The following TIMMDC1 variants were observed in gnomAD, a reference collection of about 807,000 sequenced individuals.
The protein encoded by TIMMDC1 is translocase of inner mitochondrial membrane domain containing 1, also known as complex I assembly factor TIMMDC1, mitochondrial.
TIMMDC1 carries 25 observed loss-of-function variants against 32.6 expected under a neutral mutation model. That is an observed-to-expected ratio of 0.77 (90% CI 0.56 to 1.07). The LOEUF (loss-of-function observed/expected upper bound fraction) is 1.07. Among genes scored for constraint, TIMMDC1 ranks in the 50% least tolerant of loss-of-function variants. The probability of loss-of-function intolerance (pLI) is 0.00; values close to 1 mark genes in which losing one functional copy is unlikely to be tolerated. For synonymous variants in TIMMDC1, 130 were observed against 127.6 expected, an observed-to-expected ratio of 1.02 and a Z score of -0.13; for missense variants, 329 against 349.2, an observed-to-expected ratio of 0.94 and a Z score of 0.46.
At chr3:119,520,734 A>G (rs759182385) in intron 6 of TIMMDC1, among the ~76,000 whole-genome samples, 1 of 152,200 alleles carries the variant, frequency 6.6e-6, no homozygotes, top group African/African-American at 2.4e-5. Context: ...CTCATTCTAC[A>G]AGGCTAGCAT....
At chr3:119,503,468 C>A in intron 2 of TIMMDC1, 64 bp from the exon 3 acceptor site, 1 of 1,278,200 alleles carries the variant, frequency 7.8e-7, no homozygotes, top group Non-Finnish European at 1.1e-6. Flanking sequence ...TCCTCTACCG[C>A]AGTTCTAGAA....
intron 4 of TIMMDC1, among the ~76,000 whole-genome samples, chr3:119,505,806 G>T (rs9850447): frequency 0.89 from 135,888 of 152,324 alleles, 60,831 homozygotes; most frequent in African/African-American, 0.96. Flanking sequence ...GAATTTATCC[G>T]AAATTAAGTC....
intron 4 of TIMMDC1, among the ~76,000 whole-genome samples, chr3:119,504,721 A>G (rs1424006214): frequency 6.6e-6 from 1 of 152,224 alleles, no homozygotes; most frequent in Non-Finnish European, 1.5e-5. Context: ...AATAAGTTCA[A>G]GAGATCTATT....
chr3:119,513,209 T>C (rs2081965592), intron 4 of TIMMDC1, among the ~76,000 whole-genome samples: 1 of 152,170 alleles, frequency 6.6e-6, no homozygotes, highest in East Asian at 1.9e-4. Context: ...TGCTGCTTGC[T>C]TGTCACCCTG....
At chr3:119,506,353 C>T (rs755180982) in intron 4 of TIMMDC1, among the ~76,000 whole-genome samples, 1 of 151,904 alleles carries the variant, frequency 6.6e-6, no homozygotes, top group Admixed American at 6.6e-5. Context: ...ATGGCAAGAC[C>T]GTGTGTGTGC....
intron 2 of TIMMDC1, among the ~76,000 whole-genome samples, chr3:119,503,328 T>G (rs140518430): frequency 2.6e-5 from 4 of 152,336 alleles, no homozygotes; most frequent in African/African-American, 9.6e-5. Context: ...CAACCATTTT[T>G]TCATCTCCTG....
chr3:119,523,800 G>A lies in TIMMDC1; in HGVS notation c.*44G>A. ...ACTCACTGGAGAGCTGAAGGGAGCT[G>A]CCATGTCCGATGAATGCCAACAGAC... On this transcript the variant is annotated 3_prime_UTR_variant, in exon 7 of 7. Transcript: ENST00000494664. The A allele has an allele frequency of 6.7e-7, 1 of 1,499,378 alleles. No individual in the cohort carries two copies. The highest frequency in any genetic ancestry group is 1.4e-5 in the South Asian group (1 of 72,576). 92.9% of individuals were successfully genotyped at this position (1,499,378 alleles called of 1,614,324 possible).
chr3:119,509,759 C>T (rs1269717098), intron 4 of TIMMDC1, among the ~76,000 whole-genome samples: 5 of 149,882 alleles, frequency 3.3e-5, no homozygotes, highest in African/African-American at 4.9e-5. Flanking sequence ...GATCTCGGCT[C>T]GCTGCAACCT....
Position 119,498,883 on chromosome 3 carries a change from C to A in TIMMDC1, c.150C>A (p.Tyr50Ter). The A allele has an allele frequency of 6.2e-7, 1 of 1,614,028 alleles. No homozygotes were observed. The highest frequency in any genetic ancestry group is 8.5e-7 in the Non-Finnish European group (1 of 1,179,986). Reference sequence around the variant, plus strand: ...TTCCCTACGTCCCAGAGCCCTATTACCCGGAATCTGGATGGGACCGCCTCC... The same window carrying A: ...TTCCCTACGTCCCAGAGCCCTATTAACCGGAATCTGGATGGGACCGCCTCC... ...KRLPYVPEPY[Y>*]PESGWDRLRE... The change falls in exon 1 of 7, where the codon TAC becomes TAA. Residue 50 changes from tyrosine to a stop codon, truncating the protein, a stop_gained. Coordinates refer to ENST00000494664, the MANE Select transcript of TIMMDC1 (RefSeq NM_016589.4). LOFTEE classifies it high-confidence loss of function.
intron 1 of TIMMDC1, among the ~76,000 whole-genome samples, chr3:119,499,389 C>T (rs1218931898): frequency 6.7e-6 from 1 of 149,860 alleles, no homozygotes; most frequent in Non-Finnish European, 1.5e-5. Flanking sequence ...CGTGAGCCAC[C>T]GCGCCAGCCC....
At chr3:119,502,512 G>A (rs1049798462) in intron 2 of TIMMDC1, among the ~76,000 whole-genome samples, 1 of 151,678 alleles carries the variant, frequency 6.6e-6, no homozygotes, top group Non-Finnish European at 1.5e-5. Flanking sequence ...GATTATAGGT[G>A]TGAGCCACTG....
chr3:119,523,066 T>C (rs2082039987), intron 6 of TIMMDC1, among the ~76,000 whole-genome samples: 2 of 152,218 alleles, frequency 1.3e-5, no homozygotes, highest in African/African-American at 4.8e-5. Flanking sequence ...ACACTAATAC[T>C]TGATTTAGAA....
At chr3:119,500,175 T>A (rs180832398) in intron 1 of TIMMDC1, among the ~76,000 whole-genome samples, 243 of 152,342 alleles carry the variant, frequency 1.6e-3, no homozygotes, top group African/African-American at 5.6e-3. Flanking sequence ...CTTTCATACA[T>A]TGCCCTAAAA....
chr3:119,498,660 C>T lies in TIMMDC1; in HGVS notation c.-74C>T. The T allele has an allele frequency of 2.7e-6, 4 of 1,464,656 alleles. No individual in the cohort carries two copies. Among genetic ancestry groups the T allele is most frequent in the Admixed American group, 1.7e-5 (1 of 57,406 alleles). The allele number at this position is 1,464,656 out of a possible 1,614,324, so 90.7% of individuals were successfully genotyped here. On this transcript the variant is annotated 5_prime_UTR_variant, in exon 1 of 7. The change creates a new upstream start codon in the 5' untranslated region. Coordinates refer to ENST00000494664, the MANE Select transcript of TIMMDC1 (RefSeq NM_016589.4). Reference sequence around the variant, plus strand: ...CACGGATTCTCACCTCGTACAGTTACGCTCTCCCGCGGCACGTCCGCGAGG... The same window carrying T: ...CACGGATTCTCACCTCGTACAGTTATGCTCTCCCGCGGCACGTCCGCGAGG...
In TIMMDC1 at chr3:119,524,458, A is replaced by C. The variant is rs547485451; in HGVS notation, c.*702A>C. 1 of 152,334 alleles carries C rather than the reference A, an allele frequency of 6.6e-6. No individual in the cohort carries two copies. Among genetic ancestry groups the C allele is most frequent in the South Asian group, 2.1e-4 (1 of 4,828 alleles). The allele number at this position is 152,334 out of a possible 1,614,324, so 9.4% of individuals were successfully genotyped here. On this transcript the variant is annotated 3_prime_UTR_variant, in exon 7 of 7. Transcript: ENST00000494664. ...AAGTATTCCTGTCAATACGGGAAACACTGCTAGTACCTTATGTTGGTGTTA... is the reference window on the plus strand; with the variant it reads ...AAGTATTCCTGTCAATACGGGAAACCCTGCTAGTACCTTATGTTGGTGTTA...
chr3:119,519,288 C>T (rs1293858136), intron 6 of TIMMDC1, among the ~76,000 whole-genome samples: 1 of 151,816 alleles, frequency 6.6e-6, no homozygotes, highest in African/African-American at 2.4e-5. Context: ...CTTTAAATTC[C>T]CCAATTAAAG....
chr3:119,499,418 CTTTT>C (rs11329774), intron 1 of TIMMDC1, among the ~76,000 whole-genome samples: 2 of 115,116 alleles, frequency 1.7e-5, no homozygotes, highest in Non-Finnish European at 1.8e-5. Flanking sequence ...ATTTTTCTTT[CTTTT>C]TTTTTTTTTT....
chr3:119,502,356 A>G (rs988937724), intron 2 of TIMMDC1, among the ~76,000 whole-genome samples: 2 of 151,512 alleles, frequency 1.3e-5, no homozygotes, highest in African/African-American at 4.9e-5. Context: ...CAGCCTCCCA[A>G]GTAGCTGGGA....
In TIMMDC1 at chr3:119,523,908, C is replaced by A; in HGVS notation, c.*152C>A. On this transcript the variant is annotated 3_prime_UTR_variant, in exon 7 of 7. Coordinates refer to ENST00000494664, the MANE Select transcript of TIMMDC1 (RefSeq NM_016589.4). ...TGGCTTGCTCTTGTCTTTTTCTTTTCTTTTTAACTAAGAATGGGGCTGTTG... is the reference window on the plus strand; with the variant it reads ...TGGCTTGCTCTTGTCTTTTTCTTTTATTTTTAACTAAGAATGGGGCTGTTG... The A allele has an allele frequency of 1.6e-6, 1 of 634,278 alleles. No individual in the cohort carries two copies. The highest frequency in any genetic ancestry group is 2.5e-6 in the Non-Finnish European group (1 of 395,014). The allele number at this position is 634,278 out of a possible 1,614,324, so 39.3% of individuals were successfully genotyped here.
Sources: gnomAD v4.1 joint callset for allele counts (sites outside exome capture counted in the v4.1 genomes callset) on GRCh38, gnomAD v4.1.1 for gene constraint, MANE v1.5 for transcripts, NCBI Gene and HGNC (gene_info 2026-07-23, HGNC 2026-07-21) for gene names.